Variants in SAMD12 observed in about 807,000 individuals in gnomAD.
SAMD12 encodes sterile alpha motif domain containing 12.
Under a neutral mutation model 15.0 loss-of-function variants are expected in SAMD12, and 9 were observed. That is an observed-to-expected ratio of 0.60 (90% CI 0.36 to 1.05). The LOEUF (loss-of-function observed/expected upper bound fraction) is 1.05. Among genes scored for constraint, SAMD12 ranks in the 50% least tolerant of loss-of-function variants. SAMD12 has a pLI of 0.01. For missense variants in SAMD12, 230 were observed against 234.2 expected (o/e 0.98, Z 0.12); for synonymous variants, 86 against 90.1 (o/e 0.96, Z 0.25).
At chr8:118,353,787 G>T (rs1335290766) in intron 4 of SAMD12, among the ~76,000 whole-genome samples, 1 of 151,882 alleles carries the variant, frequency 6.6e-6, no homozygotes, top group Non-Finnish European at 1.5e-5. Flanking sequence ...TGGGCTCTGT[G>T]GACTATGCAG....
chr8:118,318,608 T>C (rs1816068358), intron 4 of SAMD12, among the ~76,000 whole-genome samples: 1 of 152,022 alleles, frequency 6.6e-6, no homozygotes, highest in Non-Finnish European at 1.5e-5. Context: ...ACATATTGGA[T>C]ACAGTGTAGT....
chr8:118,556,693 G>A (rs1166907418), intron 2 of SAMD12, among the ~76,000 whole-genome samples: 5 of 152,240 alleles, frequency 3.3e-5, no homozygotes, highest in Middle Eastern at 3.4e-3. Context: ...GGCTGGGTGC[G>A]GTGGCTCATG....
rs1491370440 is a variant in SAMD12 at position 118,321,143 on chromosome 8, A to AT, written c.433+58416_433+58417insA. On this transcript the variant is annotated intron_variant, in intron 4 of 4. Coordinates refer to the SAMD12 transcript ENST00000409003. ...ATATAACATATATATCATAGATAATAAATATATATATATATATATATATAT... is the reference window on the plus strand; with the variant it reads ...ATATAACATATATATCATAGATAATATAATATATATATATATATATATATAT... 5.5e-4 allele frequency among the ~76,000 whole-genome samples: 43 copies of AT among 78,048 alleles called. No individual in the cohort carries two copies. The East Asian group carries it at 0.012, about 23-fold the overall frequency. The allele number at this position is 78,048 out of a possible 152,430, so 51.2% of individuals were successfully genotyped here.
chr8:118,197,635 G>C, exon 5 of SAMD12: 1 of 1,205,436 alleles, frequency 8.3e-7, no homozygotes, highest in Non-Finnish European at 1.2e-6. Context: ...GCAGTGCCAT[G>C]GGTTAGTCTT....
chr8:118,423,840 A>T (rs1822127167), intron 3 of SAMD12, among the ~76,000 whole-genome samples: 1 of 152,228 alleles, frequency 6.6e-6, no homozygotes, highest in Non-Finnish European at 1.5e-5. Context: ...GTGAAGATAA[A>T]ATTAAACAAT....
At chr8:118,260,391 A>T (rs1028377179) in intron 4 of SAMD12, among the ~76,000 whole-genome samples, 4 of 152,094 alleles carry the variant, frequency 2.6e-5, no homozygotes, top group Admixed American at 2.6e-4. Flanking sequence ...CTCTTATGTT[A>T]TTATGTTATT....
intron 4 of SAMD12, among the ~76,000 whole-genome samples, chr8:118,293,960 G>A (rs1814563574): frequency 6.6e-6 from 1 of 152,150 alleles, no homozygotes; most frequent in Admixed American, 6.5e-5. Context: ...GGCACTCAAG[G>A]CATATCTCAA....
At chr8:118,364,407 G>C (rs1236003934) in intron 4 of SAMD12, among the ~76,000 whole-genome samples, 2 of 152,030 alleles carry the variant, frequency 1.3e-5, no homozygotes, top group Non-Finnish European at 2.9e-5. Context: ...TCCTAGTTTG[G>C]GTTTTAAGAT....
At chr8:118,385,712 G>A (rs769334905) in intron 3 of SAMD12, among the ~76,000 whole-genome samples, 6 of 152,164 alleles carry the variant, frequency 3.9e-5, no homozygotes, top group East Asian at 3.8e-4. Context: ...GTGCTGGCAC[G>A]CAGTAGTGCT....
intron 4 of SAMD12, among the ~76,000 whole-genome samples, chr8:118,270,093 C>T (rs1156572694): frequency 6.6e-6 from 1 of 152,128 alleles, no homozygotes; most frequent in African/African-American, 2.4e-5. Flanking sequence ...TTGTTACTTC[C>T]TATCACAGAA....
chr8:118,544,547 C>T (rs1027306396), intron 2 of SAMD12, among the ~76,000 whole-genome samples: 2 of 152,138 alleles, frequency 1.3e-5, no homozygotes, highest in African/African-American at 4.8e-5. Flanking sequence ...AGAGTGTACA[C>T]GGTTGCTCCA....
intron 3 of SAMD12, among the ~76,000 whole-genome samples, chr8:118,397,915 C>T (rs1203302559): frequency 2.6e-5 from 4 of 152,130 alleles, no homozygotes; most frequent in Admixed American, 2.6e-4. Flanking sequence ...ATCTCAGCCC[C>T]GCAGTAGCTG....
chr8:118,544,045 C>T (rs973722401), intron 2 of SAMD12, among the ~76,000 whole-genome samples: 3 of 152,182 alleles, frequency 2.0e-5, no homozygotes, highest in Non-Finnish European at 4.4e-5. Context: ...CTTTCACCAT[C>T]TGTTCCCAAT....
intron 2 of SAMD12, among the ~76,000 whole-genome samples, chr8:118,526,354 C>T (rs117272376): frequency 6.6e-6 from 1 of 152,152 alleles, no homozygotes; most frequent in Non-Finnish European, 1.5e-5. Flanking sequence ...ACCAAGAAAA[C>T]CAGGAATAGC....
intron 3 of SAMD12, among the ~76,000 whole-genome samples, chr8:118,434,672 G>T (rs1201617907): frequency 6.6e-6 from 1 of 152,198 alleles, no homozygotes; most frequent in Non-Finnish European, 1.5e-5. Context: ...TTCCAGGCCA[G>T]GCCTCAGAAA....
At chr8:118,216,424 T>C (rs1049739500) in intron 4 of SAMD12, among the ~76,000 whole-genome samples, 9 of 151,990 alleles carry the variant, frequency 5.9e-5, no homozygotes, top group Admixed American at 1.3e-4. Context: ...CTGTTCACTC[T>C]GATGGTAGTT....
chr8:118,321,144 A>ATATATAT (rs1816242362), intron 4 of SAMD12, among the ~76,000 whole-genome samples: 9 of 94,500 alleles, frequency 9.5e-5, no homozygotes, highest in East Asian at 8.5e-4. Context: ...ATAGATAATA[A>ATATATAT]ATATATATAT....
intron 1 of SAMD12, among the ~76,000 whole-genome samples, chr8:118,584,952 C>A (rs58586109): frequency 6.7e-6 from 1 of 149,874 alleles, no homozygotes; most frequent in Admixed American, 6.6e-5. Context: ...CACACACACA[C>A]ACAAACACAC....
chr8:118,511,614 CA>C (rs1825083593), intron 2 of SAMD12, among the ~76,000 whole-genome samples: 1 of 152,076 alleles, frequency 6.6e-6, no homozygotes, highest in South Asian at 2.1e-4. Flanking sequence ...AATTTTCCTA[CA>C]TTCAAGCTTC....
Sources: allele counts gnomAD v4.1 joint callset (sites outside exome capture counted in the v4.1 genomes callset), GRCh38; gene constraint gnomAD v4.1.1; transcripts MANE v1.5; gene names NCBI Gene and HGNC (gene_info 2026-07-23, HGNC 2026-07-21).